The following NAA20 variants were observed in gnomAD, a reference collection of about 807,000 sequenced individuals.
NAA20 encodes N-alpha-acetyltransferase 20, NatB catalytic subunit.
A neutral mutation model predicts 23.8 loss-of-function variants in NAA20; 24 were observed. That is an observed-to-expected ratio of 1.01 (90% confidence interval 0.73 to 1.42). The LOEUF is 1.42. Among genes scored for constraint, NAA20 ranks in the 40% most tolerant of loss-of-function variants. The probability of loss-of-function intolerance (pLI) is 0.00; values close to 1 mark genes in which losing one functional copy is unlikely to be tolerated. For missense variants in NAA20, 166 were observed against 223.1 expected, an observed-to-expected ratio of 0.74 and a Z score of 1.63; for synonymous variants, 83 against 77.7, an observed-to-expected ratio of 1.07 and a Z score of -0.36.
rs774606064 is a variant in NAA20, at chr20:20,032,457, T to C, written c.306-51T>C. 5 of 1,573,874 alleles carry C rather than the reference T, an allele frequency of 3.2e-6. No individual in the cohort carries two copies. In the South Asian group the frequency reaches 4.5e-5, roughly 14 times the overall value. ...TAAAAAAAATATGTATCTATTACTT[T>C]CTAGGGTTTCTCACATTCTAACATT... On this transcript the variant is annotated intron_variant, in intron 4 of 5. Coordinates refer to ENST00000334982, the MANE Select transcript of NAA20 (RefSeq NM_016100.5).
At chr20:20,018,959 A>G (rs2043250306) in intron 1 of NAA20, 2 of 984,632 alleles carry the variant, frequency 2.0e-6, no homozygotes, top group Non-Finnish European at 1.2e-6. Flanking sequence ...TCAGGGGACC[A>G]TGTTAGAAAC....
At chr20:20,027,922 G>C (rs563084788) in intron 4 of NAA20, among the ~76,000 whole-genome samples, 77 of 152,274 alleles carry the variant, frequency 5.1e-4, no homozygotes, top group African/African-American at 1.8e-3. Flanking sequence ...TTTCTCCACT[G>C]TAATTTCCTA....
Position 20,033,213 on chromosome 20 carries a change from T to C in NAA20, c.*26T>C. The stretch of plus-strand genomic sequence containing the variant: ...CCCTGGGCAGTGGTTCTTAGGCAGA[T>C]ACTCTAGATGCTTTATGGACAATAT... On this transcript the variant is annotated 3_prime_UTR_variant, in exon 6 of 6. Coordinates refer to ENST00000334982, the MANE Select transcript of NAA20 (RefSeq NM_016100.5). 1 of 1,513,004 alleles carries C rather than the reference T, an allele frequency of 6.6e-7. No homozygotes were observed. The highest frequency in any genetic ancestry group is 9.2e-7 in the Non-Finnish European group (1 of 1,089,524). The allele number at this position is 1,513,004 out of a possible 1,614,324, so 93.7% of individuals were successfully genotyped here.
chr20:20,027,751 A>T (rs1394430852), intron 4 of NAA20, among the ~76,000 whole-genome samples: 41 of 139,796 alleles, frequency 2.9e-4, no homozygotes, highest in Non-Finnish European at 4.4e-4. Flanking sequence ...CCAGCATGGC[A>T]TTTTTTTTTT....
At chr20:20,022,371 C>A in intron 1 of NAA20, 85 bp from the exon 2 acceptor site, 2 of 1,323,698 alleles carry the variant, frequency 1.5e-6, no homozygotes, top group Non-Finnish European at 2.1e-6. Flanking sequence ...TTCCTTGTGG[C>A]ATATTACTGT....
rs111803583 is a variant in NAA20 at position 20,020,365 on chromosome 20, G to A, written c.54-2091G>A. Among the ~76,000 whole-genome samples, 120 of 152,296 alleles carry A rather than the reference G, an allele frequency of 7.9e-4. 2 individuals are homozygous for A. Among genetic ancestry groups the A allele is most frequent in the African/African-American group, 2.9e-3 (120 of 41,556 alleles). ...AGACTGCCCTTGAAGAAAGACCTGG[G>A]GAAGTTAGGAATGAGTTACATGAAC... On this transcript the variant is annotated intron_variant, in intron 1 of 5. Transcript: ENST00000334982.
chr20:20,017,317 C>T, upstream of NAA20: 2 of 1,578,242 alleles, frequency 1.3e-6, no homozygotes, highest in Non-Finnish European at 1.7e-6. Context: ...CTCGGTTCCG[C>T]GGCGGCCACG....
chr20:20,027,333 A>C (rs1268527640), intron 4 of NAA20, among the ~76,000 whole-genome samples: 1 of 152,242 alleles, frequency 6.6e-6, no homozygotes, highest in Non-Finnish European at 1.5e-5. Context: ...CTGTTTAATA[A>C]GTATTTATAG....
At chr20:20,020,996 T>A (rs1236243898) in intron 1 of NAA20, among the ~76,000 whole-genome samples, 1 of 122,018 alleles carries the variant, frequency 8.2e-6, no homozygotes, top group Non-Finnish European at 1.6e-5. Flanking sequence ...GGAGAGCAAG[T>A]AGCATATGGG....
intron 4 of NAA20, among the ~76,000 whole-genome samples, chr20:20,027,734 C>T (rs1473674494): frequency 2.0e-5 from 3 of 150,662 alleles, no homozygotes; most frequent in East Asian, 3.9e-4. Flanking sequence ...GCACAGTTTG[C>T]GAACTGCCAG....
upstream of NAA20, chr20:20,017,310 G>T: frequency 6.4e-7 from 1 of 1,565,458 alleles, no homozygotes; most frequent in Non-Finnish European, 8.7e-7. Flanking sequence ...CGTCTCGCTC[G>T]GTTCCGCGGC....
chr20:20,018,015 C>T, intron 1 of NAA20: 1 of 1,614,204 alleles, frequency 6.2e-7, no homozygotes, highest in Non-Finnish European at 8.5e-7. Context: ...CACTGCGTCC[C>T]CTGCAGCAGA....
In NAA20 at chr20:20,032,507, G is replaced by C; in HGVS notation, c.306-1G>C. On this transcript the variant is annotated splice_acceptor_variant, in intron 4 of 5. Transcript: ENST00000334982. LOFTEE classifies it high-confidence loss of function. ...TTTCCTTTTTTGTTTTTCTTTTAAA[G>C]AAAGGGTGGATTTTTTGTGGATCTC... The C allele has an allele frequency of 6.2e-7, 1 of 1,608,022 alleles. No individual in the cohort carries two copies. The highest frequency in any genetic ancestry group is 1.1e-5 in the South Asian group (1 of 89,308).
intron 4 of NAA20, among the ~76,000 whole-genome samples, chr20:20,028,462 TGTATCCCAGAACTTAAA>T: frequency 6.6e-6 from 1 of 152,060 alleles, no homozygotes; most frequent in Non-Finnish European, 1.5e-5. Context: ...GTTCTGCACA[TGTATCCCAGAACTTAAA>T]GTATAATAAT....
intron 4 of NAA20, among the ~76,000 whole-genome samples, chr20:20,030,766 TC>T (rs1348774094): frequency 6.6e-6 from 1 of 151,622 alleles, no homozygotes; most frequent in African/African-American, 2.4e-5. Flanking sequence ...AAATATAAAA[TC>T]CACAAGAATC....
At chr20:20,018,150 C>A in intron 1 of NAA20, 1 of 1,512,314 alleles carries the variant, frequency 6.6e-7, no homozygotes, top group Non-Finnish European at 9.2e-7. Context: ...GCCCAGAGCC[C>A]TGGATGCAGT....
At chr20:20,022,559 A>AG in intron 2 of NAA20, 79 bp downstream of exon 2, 1 of 1,299,998 alleles carries the variant, frequency 7.7e-7, no homozygotes, top group Non-Finnish European at 1.1e-6. Flanking sequence ...AGGAAAACAG[A>AG]GGAGTACTGA....
chr20:20,018,090 C>T, intron 1 of NAA20: 2 of 1,613,690 alleles, frequency 1.2e-6, no homozygotes, highest in Non-Finnish European at 1.7e-6. Flanking sequence ...CCGGTGTACA[C>T]ACCTTTCCTC....
intron 5 of NAA20, 38 bp from the exon 6 acceptor site, chr20:20,033,063 AT>A (rs761699242): frequency 1.6e-5 from 24 of 1,457,258 alleles, no homozygotes; most frequent in Admixed American, 5.0e-5. Flanking sequence ...GATATAATAC[AT>A]TTTTTGGGTG....
Sources: gnomAD v4.1 joint callset for allele counts (sites outside exome capture counted in the v4.1 genomes callset) on GRCh38, gnomAD v4.1.1 for gene constraint, MANE v1.5 for transcripts, NCBI Gene and HGNC (gene_info 2026-07-23, HGNC 2026-07-21) for gene names.